Variants in COLEC12 observed in about 807,000 individuals in gnomAD.
COLEC12 encodes the protein collectin subfamily member 12, also known as collectin-12.
In COLEC12, 33 loss-of-function variants were observed where a neutral mutation model predicts 71.1. The ratio of observed to expected loss-of-function variants is 0.46; its 90% CI spans 0.35 to 0.62. The LOEUF (loss-of-function observed/expected upper bound fraction) is 0.62. COLEC12 is among the 20% of genes least tolerant of loss of function. The pLI is 0.00. For missense variants in COLEC12, 765 were observed against 916.1 expected (o/e 0.84, Z 2.13); for synonymous variants, 350 against 353.0 (o/e 0.99, Z 0.10).
chr18:384,755 G>A (rs949214039), intron 2 of COLEC12, among the ~76,000 whole-genome samples: 1 of 152,132 alleles, frequency 6.6e-6, no homozygotes, highest in Non-Finnish European at 1.5e-5. Context: ...TGATTCTAGG[G>A]GCTCAATGGT....
intron 2 of COLEC12, among the ~76,000 whole-genome samples, chr18:442,000 T>TACACACACACACA: frequency 8.6e-6 from 1 of 116,784 alleles, no homozygotes; most frequent in South Asian, 2.9e-4. Flanking sequence ...ACTCTCTCTC[T>TACACACACACACA]CTACACACAC....
intron 2 of COLEC12, among the ~76,000 whole-genome samples, chr18:443,504 T>C (rs939030491): frequency 1.3e-5 from 2 of 152,216 alleles, no homozygotes; most frequent in Non-Finnish European, 2.9e-5. Flanking sequence ...TCTGGAAGTG[T>C]GGTTGTCTGT....
intron 2 of COLEC12, among the ~76,000 whole-genome samples, chr18:452,999 C>G (rs1225355771): frequency 6.6e-6 from 1 of 152,212 alleles, no homozygotes; most frequent in Admixed American, 6.5e-5. Context: ...ATCCTAAAAA[C>G]CAGCAGGAAA....
intron 2 of COLEC12, among the ~76,000 whole-genome samples, chr18:383,032 C>T (rs1204445541): frequency 6.6e-6 from 1 of 152,126 alleles, no homozygotes; most frequent in Non-Finnish European, 1.5e-5. Context: ...CACCTCCATG[C>T]TGTCCATTTT....
chr18:478,859 G>T (rs939725994), intron 2 of COLEC12, among the ~76,000 whole-genome samples: 3 of 142,740 alleles, frequency 2.1e-5, no homozygotes, highest in Non-Finnish European at 4.5e-5. Flanking sequence ...TCTAATATTT[G>T]TAAGTGGTTA....
intron 2 of COLEC12, among the ~76,000 whole-genome samples, chr18:457,257 C>T (rs944812530): frequency 2.4e-4 from 37 of 152,206 alleles, no homozygotes; most frequent in African/African-American, 8.9e-4. Context: ...CCTAAGCCAA[C>T]AGTCCTCGGC....
chr18:349,003 A>G (rs1041710054), intron 3 of COLEC12, among the ~76,000 whole-genome samples: 1 of 152,136 alleles, frequency 6.6e-6, no homozygotes, highest in Non-Finnish European at 1.5e-5. Flanking sequence ...GTGGTAGTGA[A>G]TAAGTCTCAC....
intron 2 of COLEC12, among the ~76,000 whole-genome samples, chr18:409,097 A>C (rs2143631794): frequency 6.7e-6 from 1 of 149,732 alleles, no homozygotes; most frequent in East Asian, 1.9e-4. Flanking sequence ...CAGCCTCCCA[A>C]AGTGCTGGGA....
At position 346,814 on chromosome 18, in the gene COLEC12, C is replaced by T; in HGVS notation, c.808G>A (p.Ala270Thr). 1 of 1,614,164 alleles carries T rather than the reference C, an allele frequency of 6.2e-7. No homozygotes were observed. The highest frequency in any genetic ancestry group is 1.3e-5 in the African/African-American group (1 of 75,074). ...GCTTTGGCCAACGCAGAGTTGTTGG[C>T]AGCCAGCGTCTGCAAGCTCTGCACT... ...EKVQSLQTLA[A>T]NNSALAKANN... The change falls in exon 5 of 10, where the codon GCC becomes ACC. Residue 270 changes from alanine (A) to threonine (T), a missense_variant. Coordinates refer to ENST00000400256, the MANE Select transcript of COLEC12 (RefSeq NM_130386.3). The surrounding 1 kb of genome is among the most constrained non-coding windows in gnomAD (Gnocchi z 4.0).
intron 5 of COLEC12, among the ~76,000 whole-genome samples, chr18:345,564 C>T (rs1567878855): frequency 6.6e-6 from 1 of 152,186 alleles, no homozygotes; most frequent in Non-Finnish European, 1.5e-5. Flanking sequence ...TGTGACCTTA[C>T]TGTGACCTCT....
intron 2 of COLEC12, among the ~76,000 whole-genome samples, chr18:388,722 C>A (rs1012534483): frequency 6.6e-6 from 1 of 152,226 alleles, no homozygotes; most frequent in African/African-American, 2.4e-5. Flanking sequence ...TAAGTCATTT[C>A]ATGAGCTACC....
chr18:355,859 C>T (rs1232311766), intron 3 of COLEC12, among the ~76,000 whole-genome samples: 2 of 152,200 alleles, frequency 1.3e-5, no homozygotes, highest in Admixed American at 1.3e-4. Flanking sequence ...CTGCCCAGCG[C>T]TAATCATGAT....
chr18:421,959 C>T (rs1406134929), intron 2 of COLEC12, among the ~76,000 whole-genome samples: 1 of 152,190 alleles, frequency 6.6e-6, no homozygotes, highest in East Asian at 1.9e-4. Flanking sequence ...ATCCAGTCAA[C>T]CCAGGCAAAT....
rs1376845627 is a variant in COLEC12, at chr18:317,527, T to C, written c.*2518A>G. 1 of 152,178 alleles carries C rather than the reference T, an allele frequency of 6.6e-6. No homozygotes were observed. Among genetic ancestry groups the C allele is most frequent in the Non-Finnish European group, 1.5e-5 (1 of 68,042 alleles). The allele number at this position is 152,178 out of a possible 1,614,324, so 9.4% of individuals were successfully genotyped here. On this transcript the variant is annotated 3_prime_UTR_variant, in exon 10 of 10. Transcript: ENST00000400256. ...GTTGGGAGGATCAGGTGAGACAATC[T>C]GATTGAAGGACTTGGACCAGTGCCT...
At chr18:439,433 T>C (rs1258887978) in intron 2 of COLEC12, among the ~76,000 whole-genome samples, 2 of 149,460 alleles carry the variant, frequency 1.3e-5, no homozygotes, top group Non-Finnish European at 3.0e-5. Flanking sequence ...GAGAGAATTA[T>C]ACCCTAACTA....
chr18:397,418 G>A (rs1318435947), intron 2 of COLEC12, among the ~76,000 whole-genome samples: 2 of 152,218 alleles, frequency 1.3e-5, no homozygotes, highest in Non-Finnish European at 2.9e-5. Flanking sequence ...TATACTTTGA[G>A]TGTAAGATAT....
At position 320,032 on chromosome 18, in the gene COLEC12, C is replaced by T. The variant is rs1457793236; in HGVS notation, c.*13G>A. Reference sequence around the variant, plus strand: ...GAGCTGAAAATTTGCTCATGTGATCCCATCACAGTCCGTTATAATGCAGAT... The same window carrying T: ...GAGCTGAAAATTTGCTCATGTGATCTCATCACAGTCCGTTATAATGCAGAT... On this transcript the variant is annotated 3_prime_UTR_variant, in exon 10 of 10. Transcript: ENST00000400256. 1.3e-6 allele frequency: 2 copies of T among 1,531,626 alleles called. No individual in the cohort carries two copies. The highest frequency in any genetic ancestry group is 1.7e-4 in the Middle Eastern group (1 of 5,928). The allele number at this position is 1,531,626 out of a possible 1,614,324, so 94.9% of individuals were successfully genotyped here.
At chr18:470,847 T>C (rs1226366546) in intron 2 of COLEC12, among the ~76,000 whole-genome samples, 1 of 152,234 alleles carries the variant, frequency 6.6e-6, no homozygotes, top group African/African-American at 2.4e-5. Flanking sequence ...ATACTGATCT[T>C]AGGTTGAAGG....
intron 2 of COLEC12, among the ~76,000 whole-genome samples, chr18:437,210 G>A (rs1916424201): frequency 6.6e-6 from 1 of 152,132 alleles, no homozygotes; most frequent in Non-Finnish European, 1.5e-5. Flanking sequence ...GACTGTGAAG[G>A]CCTAGAATTA....
Sources: gnomAD v4.1 joint callset for allele counts (sites outside exome capture counted in the v4.1 genomes callset) on GRCh38, gnomAD v4.1.1 for gene constraint, Gnocchi (gnomAD v3.1) non-coding constraint, MANE v1.5 for transcripts, NCBI Gene and HGNC (gene_info 2026-07-23, HGNC 2026-07-21) for gene names.